Variants in SERPINB7 observed in about 807,000 individuals in gnomAD.
SERPINB7 encodes serpin family B member 7.
SERPINB7 carries 31 observed loss-of-function variants against 37.4 expected under a neutral mutation model. The observed-to-expected ratio is 0.83, with a 90% CI of 0.62 to 1.12. The LOEUF is 1.12. Among genes scored for constraint, SERPINB7 ranks in the 50% most tolerant of loss-of-function variants. The pLI is 0.00. For synonymous variants in SERPINB7, 163 were observed against 166.1 expected (o/e 0.98, Z 0.14); for missense variants, 521 against 455.3 (o/e 1.14, Z -1.31).
intron 2 of SERPINB7, among the ~76,000 whole-genome samples, chr18:63,783,275 A>AAAGG (rs2049331457): frequency 6.7e-6 from 1 of 148,380 alleles, no homozygotes; most frequent in African/African-American, 2.5e-5. Context: ...AGAAAGAAAG[A>AAAGG]AAGAAAGAAA....
At chr18:63,772,110 A>G (rs1426363027), upstream of SERPINB7, among the ~76,000 whole-genome samples, 1 of 152,010 alleles carries the variant, frequency 6.6e-6, no homozygotes, top group Non-Finnish European at 1.5e-5. Context: ...GGGAGAAGGG[A>G]GAGGATCAAC....
Position 63,753,279 on chromosome 18 carries a change from A to G in SERPINB7, c.-19+159A>G, listed in dbSNP as rs550386787. On this transcript the variant is annotated intron_variant, in intron 1 of 7. Transcript: ENST00000336429. ...TGGCATCTGGGATTCTGGCAGACAC[A>G]TACCCCTTTCCAGGGTAACCACAGC... Among the ~76,000 whole-genome samples the G allele has an allele frequency of 7.2e-5, 11 of 152,302 alleles. No individual in the cohort carries two copies. In the East Asian group the frequency reaches 2.1e-3, roughly 29 times the overall value.
intron 1 of SERPINB7, among the ~76,000 whole-genome samples, chr18:63,753,346 G>A (rs981190639): frequency 2.0e-5 from 3 of 152,002 alleles, no homozygotes; most frequent in East Asian, 1.9e-4. Flanking sequence ...CTAATCTTGG[G>A]GATTAGAATG....
At chr18:63,762,018 C>T (rs12959692) in intron 1 of SERPINB7, among the ~76,000 whole-genome samples, 63,292 of 152,016 alleles carry the variant, frequency 0.42, 14,563 homozygotes, top group Non-Finnish European at 0.53. Flanking sequence ...GACTCAGTGA[C>T]GTCTACTTCC....
intron 2 of SERPINB7, among the ~76,000 whole-genome samples, chr18:63,785,724 TG>T (rs1247372120): frequency 6.6e-6 from 1 of 151,220 alleles, no homozygotes; most frequent in Non-Finnish European, 1.5e-5. Flanking sequence ...TTTGTTGTTG[TG>T]TTTTGTTTTT....
At chr18:63,786,233 T>TATATAC (rs869084873) in intron 2 of SERPINB7, among the ~76,000 whole-genome samples, 3 of 76,270 alleles carry the variant, frequency 3.9e-5, no homozygotes, top group African/African-American at 1.2e-4. Flanking sequence ...TATATATATA[T>TATATAC]ACACACACAC....
intron 6 of SERPINB7, 79 bp from the exon 7 acceptor site, chr18:63,800,787 A>G (rs2049538808): frequency 6.6e-7 from 1 of 1,506,306 alleles, no homozygotes; most frequent in Non-Finnish European, 9.0e-7. Flanking sequence ...TTGACCAAGT[A>G]CAATATTCTT....
chr18:63,799,323 C>T (rs2049522465), intron 6 of SERPINB7, among the ~76,000 whole-genome samples: 2 of 152,206 alleles, frequency 1.3e-5, no homozygotes, highest in Admixed American at 6.5e-5. Context: ...AATCTTAGTA[C>T]AGCAGAAACA....
chr18:63,759,454 A>C (rs947040791), intron 1 of SERPINB7, among the ~76,000 whole-genome samples: 1 of 152,206 alleles, frequency 6.6e-6, no homozygotes, highest in Non-Finnish European at 1.5e-5. Context: ...TTTTCCTTCC[A>C]AAACCAATTT....
intron 7 of SERPINB7, among the ~76,000 whole-genome samples, chr18:63,801,648 G>A (rs1416904176): frequency 6.6e-6 from 1 of 152,128 alleles, no homozygotes; most frequent in Non-Finnish European, 1.5e-5. Context: ...TGTTGATTGG[G>A]TGGGGATGCA....
At chr18:63,782,782 A>G (rs1354052228) in intron 2 of SERPINB7, among the ~76,000 whole-genome samples, 1 of 152,172 alleles carries the variant, frequency 6.6e-6, no homozygotes, top group Non-Finnish European at 1.5e-5. Context: ...CCCTCAGTGC[A>G]GTGGTTCTCA....
At chr18:63,804,156 A>T in intron 7 of SERPINB7, 81 bp from the exon 8 acceptor site, 1 of 1,052,142 alleles carries the variant, frequency 9.5e-7, no homozygotes, top group Non-Finnish European at 1.4e-6. Context: ...ATAATTATAG[A>T]AAACTATGTA....
intron 1 of SERPINB7, among the ~76,000 whole-genome samples, chr18:63,759,246 TA>T (rs369582234): frequency 0.045 from 6,546 of 144,336 alleles, 224 homozygotes; most frequent in African/African-American, 0.095. Context: ...TAATCTGAAT[TA>T]AAAAAAAAAA....
At chr18:63,762,732 A>AT (rs1486032843) in intron 1 of SERPINB7, among the ~76,000 whole-genome samples, 3 of 152,106 alleles carry the variant, frequency 2.0e-5, no homozygotes, top group Non-Finnish European at 2.9e-5. Flanking sequence ...CAGTTTTTTA[A>AT]TCTTTGACTT....
chr18:63,801,442 G>T (rs1259243842), intron 7 of SERPINB7, among the ~76,000 whole-genome samples: 2 of 152,150 alleles, frequency 1.3e-5, no homozygotes, highest in Non-Finnish European at 2.9e-5. Flanking sequence ...GGACAAGAGG[G>T]TCTCCCTGCC....
intron 6 of SERPINB7, among the ~76,000 whole-genome samples, chr18:63,800,012 C>A (rs1234691183): frequency 6.6e-6 from 1 of 151,872 alleles, no homozygotes; most frequent in Non-Finnish European, 1.5e-5. Context: ...TTATCAAATA[C>A]CTTGCAGGAA....
chr18:63,801,235 T>C (rs2049545566), intron 7 of SERPINB7, among the ~76,000 whole-genome samples: 1 of 152,152 alleles, frequency 6.6e-6, no homozygotes, highest in Non-Finnish European at 1.5e-5. Flanking sequence ...TTCAGTTGAG[T>C]AGTGATCAAA....
intron 1 of SERPINB7, among the ~76,000 whole-genome samples, chr18:63,779,610 T>C (rs2049282137): frequency 6.6e-6 from 1 of 152,070 alleles, no homozygotes; most frequent in South Asian, 2.1e-4. Context: ...TAGGAATGTC[T>C]TGGCTCATGT....
chr18:63,787,990 C>G (rs2049389954), intron 2 of SERPINB7, among the ~76,000 whole-genome samples: 1 of 152,234 alleles, frequency 6.6e-6, no homozygotes, highest in South Asian at 2.1e-4. Context: ...AGCCAACCTA[C>G]TGGACTGCCA....
Sources: allele counts gnomAD v4.1 joint callset (sites outside exome capture counted in the v4.1 genomes callset), GRCh38; gene constraint gnomAD v4.1.1; transcripts MANE v1.5; gene names NCBI Gene and HGNC (gene_info 2026-07-23, HGNC 2026-07-21).